The following EOGT variants were observed in gnomAD, a reference collection of about 807,000 sequenced individuals.
EOGT encodes the protein EGF domain-specific O-linked N-acetylglucosamine transferase.
A neutral mutation model predicts 70.5 loss-of-function variants in EOGT; 55 were observed. The ratio of observed to expected loss-of-function variants is 0.78; its 90% CI spans 0.63 to 0.98. The LOEUF (loss-of-function observed/expected upper bound fraction) is 0.98. Ranked by LOEUF, EOGT falls within the 50% of genes least tolerant of loss-of-function variation. The pLI is 0.00. For synonymous variants in EOGT, 246 were observed against 217.1 expected, an observed-to-expected ratio of 1.13 and a Z score of -1.17; for missense variants, 703 against 641.9, an observed-to-expected ratio of 1.10 and a Z score of -1.03.
intron 10 of EOGT, 137 bp from the exon 11 acceptor site, chr3:68,989,154 A>G: frequency 1.9e-6 from 1 of 518,296 alleles, no homozygotes; most frequent in South Asian, 3.0e-5. Context: ...CCATACAAGC[A>G]AAATGGATCT....
intron 6 of EOGT, 31 bp downstream of exon 6, chr3:69,007,682 A>C: frequency 7.5e-7 from 1 of 1,329,328 alleles, no homozygotes; most frequent in South Asian, 1.3e-5. Flanking sequence ...TTAAATAAAC[A>C]AGTTTATTTA....
chr3:69,006,019 C>T (rs190016174), intron 6 of EOGT, among the ~76,000 whole-genome samples: 1 of 152,142 alleles, frequency 6.6e-6, no homozygotes, highest in Non-Finnish European at 1.5e-5. Context: ...GAAATTCTAA[C>T]CCCCAATGTG....
At chr3:68,999,816 G>C (rs183352650) in intron 9 of EOGT, among the ~76,000 whole-genome samples, 1 of 152,264 alleles carries the variant, frequency 6.6e-6, no homozygotes, top group Admixed American at 6.5e-5. Context: ...GCTTGGGGTT[G>C]CAAGAATTTA....
rs549700308 is a variant in EOGT, at chr3:68,977,856, C to A, written c.1438-92G>T. On this transcript the variant is annotated intron_variant, in intron 17 of 17. Transcript: ENST00000383701. ...AATTATGTTACTTTGGTTAAGGCAACTAATTTATGTTCTACATCAGAGACC... is the reference window on the plus strand; with the variant it reads ...AATTATGTTACTTTGGTTAAGGCAAATAATTTATGTTCTACATCAGAGACC... The A allele has an allele frequency of 1.7e-4, 223 of 1,316,192 alleles. 1 individual carries two copies. In the East Asian group the frequency reaches 3.7e-3, roughly 22 times the overall value. 81.5% of individuals were successfully genotyped at this position (1,316,192 alleles called of 1,614,324 possible).
chr3:68,982,757 T>G, intron 15 of EOGT, 54 bp downstream of exon 15: 1 of 1,397,192 alleles, frequency 7.2e-7, no homozygotes, highest in Non-Finnish European at 9.9e-7. Context: ...CTAGCCCCCT[T>G]GACCTCATCC....
intron 14 of EOGT, among the ~76,000 whole-genome samples, chr3:68,986,865 C>T (rs1197044412): frequency 6.6e-6 from 1 of 152,214 alleles, no homozygotes; most frequent in Non-Finnish European, 1.5e-5. Context: ...TGACACATAG[C>T]AGGTGCTCAA....
chr3:69,013,263 G>C (rs994268864), intron 1 of EOGT, among the ~76,000 whole-genome samples: 1 of 151,760 alleles, frequency 6.6e-6, no homozygotes, highest in Non-Finnish European at 1.5e-5. Flanking sequence ...GCGCGCCTGG[G>C]AGGGGCCCCG....
Position 68,977,584 on chromosome 3 carries a change from A to C in EOGT, c.*34T>G. The C allele has an allele frequency of 6.2e-7, 1 of 1,610,916 alleles. No homozygotes were observed. Among genetic ancestry groups the C allele is most frequent in the Non-Finnish European group, 8.5e-7 (1 of 1,177,936 alleles). ...TCTAAGTCTGGGTGTTGGAGTGTTT[A>C]AACACTCTCTTTTTGCAAACAGACT... On this transcript the variant is annotated 3_prime_UTR_variant, in exon 18 of 18. Transcript: ENST00000383701.
At chr3:68,991,852 C>G (rs528188259) in intron 10 of EOGT, among the ~76,000 whole-genome samples, 1 of 152,250 alleles carries the variant, frequency 6.6e-6, no homozygotes, top group Non-Finnish European at 1.5e-5. Flanking sequence ...GCCTCAGAAC[C>G]ATGGCGGGAG....
chr3:69,004,242 C>T (rs1376635227), intron 8 of EOGT, 136 bp downstream of exon 8: 14 of 641,146 alleles, frequency 2.2e-5, no homozygotes, highest in African/African-American at 7.3e-5. Flanking sequence ...ACTCGGTTTC[C>T]GTCACTTCCC....
At chr3:68,977,915 A>C in intron 17 of EOGT, 151 bp from the exon 18 acceptor site, 1 of 761,472 alleles carries the variant, frequency 1.3e-6, no homozygotes, top group Non-Finnish European at 2.1e-6. Context: ...CAGATGATAA[A>C]TATTTTCAGC....
At chr3:69,001,389 CT>C (rs1299670632) in intron 9 of EOGT, among the ~76,000 whole-genome samples, 10 of 152,050 alleles carry the variant, frequency 6.6e-5, no homozygotes, top group African/African-American at 2.2e-4. Context: ...TGGTTAAGTC[CT>C]TTGATATAAA....
intron 9 of EOGT, 47 bp from the exon 10 acceptor site, chr3:68,998,161 T>C (rs1292476819): frequency 9.6e-7 from 1 of 1,040,130 alleles, no homozygotes; most frequent in South Asian, 1.4e-5. Flanking sequence ...AAAGAGCACA[T>C]GATCAAGCAA....
intron 8 of EOGT, among the ~76,000 whole-genome samples, chr3:69,002,177 CTGAG>C (rs1487974455): frequency 6.6e-5 from 10 of 152,114 alleles, no homozygotes; most frequent in East Asian, 1.9e-4. Flanking sequence ...TTACAACAAC[CTGAG>C]TGAGTTTAGC....
chr3:69,007,841 T>C lies in EOGT; in HGVS notation c.312-20A>G, dbSNP rs144575839. On this transcript the variant is annotated intron_variant, in intron 5 of 17. Transcript: ENST00000383701. ...TCCGTCCTATTTGCAAATAAAAATA[T>C]TCTGTGTTTTTTTCTTTTTACTTTT... The C allele has an allele frequency of 1.0e-5, 16 of 1,545,858 alleles. No individual in the cohort carries two copies. The East Asian group carries it at 2.3e-4, about 22-fold the overall frequency.
chr3:69,003,839 C>T (rs1409360030), intron 8 of EOGT, among the ~76,000 whole-genome samples: 2 of 152,078 alleles, frequency 1.3e-5, no homozygotes, highest in African/African-American at 4.8e-5. Flanking sequence ...CCAAACTGTA[C>T]CTTTTTCTGT....
rs752166441 is a variant in EOGT, at chr3:68,987,416, G to C, written c.1152+29C>G. 4 of 1,405,894 alleles carry C rather than the reference G, an allele frequency of 2.8e-6. 1 individual carries two copies. The Admixed American group carries it at 5.3e-5, about 19-fold the overall frequency. 87.1% of individuals were successfully genotyped at this position (1,405,894 alleles called of 1,614,324 possible). A position where few individuals can be genotyped will look rare whatever the true frequency, so the allele number is the denominator to read the frequency against. On this transcript the variant is annotated intron_variant, in intron 14 of 17. Coordinates refer to ENST00000383701, the MANE Select transcript of EOGT (RefSeq NM_001278689.2). Reference sequence around the variant, plus strand: ...ATTTGCTCTATGAATTGAATATGAAGGCATTAAAAATGCATACCAAAAACT... The same window carrying C: ...ATTTGCTCTATGAATTGAATATGAACGCATTAAAAATGCATACCAAAAACT...
chr3:68,981,873 A>G (rs1032354924), intron 15 of EOGT, among the ~76,000 whole-genome samples: 1 of 151,978 alleles, frequency 6.6e-6, no homozygotes. Context: ...CAAATATTTG[A>G]TAAATTTTAT....
rs1031822207 is a variant in EOGT, at chr3:68,977,713, C to G, written c.1489G>C (p.Asp497His). 1 of 1,613,806 alleles carries G rather than the reference C, an allele frequency of 6.2e-7. No individual in the cohort carries two copies. Among genetic ancestry groups the G allele is most frequent in the South Asian group, 1.1e-5 (1 of 90,994 alleles). The change falls in exon 18 of 18, where the codon GAT becomes CAT. Residue 497 changes from aspartate to histidine, a missense_variant. Coordinates refer to ENST00000383701, the MANE Select transcript of EOGT (RefSeq NM_001278689.2). ...EHPKFTNYSF[D>H]VEEFMYLVLQ... is the part of the protein sequence containing the mutation. ...ACAAGATACATAAATTCTTCTACATCGAAAGAGTAGTTGGTGAACTTCGGG... is the reference window on the plus strand; with the variant it reads ...ACAAGATACATAAATTCTTCTACATGGAAAGAGTAGTTGGTGAACTTCGGG...
Sources: allele counts gnomAD v4.1 joint callset (sites outside exome capture counted in the v4.1 genomes callset), GRCh38; gene constraint gnomAD v4.1.1; transcripts MANE v1.5; gene names NCBI Gene and HGNC (gene_info 2026-07-23, HGNC 2026-07-21).